The following NCKAP5 variants were observed in gnomAD, a reference collection of about 807,000 sequenced individuals.
The protein encoded by NCKAP5 is NCK associated protein 5.
NCKAP5 carries 92 observed loss-of-function variants against 167.0 expected under a neutral mutation model. That is an observed-to-expected ratio of 0.55 (90% CI 0.47 to 0.66). The LOEUF is 0.66. Among genes scored for constraint, NCKAP5 ranks in the 30% least tolerant of loss-of-function variants. NCKAP5 has a pLI of 0.00. For synonymous variants in NCKAP5, 891 were observed against 877.4 expected (o/e 1.02, Z -0.27); for missense variants, 2,378 against 2,315.0 (o/e 1.03, Z -0.56).
intron 5 of NCKAP5, among the ~76,000 whole-genome samples, chr2:133,148,919 G>A (rs1238851861): frequency 6.6e-6 from 1 of 152,122 alleles, no homozygotes. Flanking sequence ...GCTCAGAATT[G>A]ATCATTGTCT....
chr2:132,696,714 GA>G (rs897262583), intron 19 of NCKAP5, among the ~76,000 whole-genome samples: 47 of 151,822 alleles, frequency 3.1e-4, no homozygotes, highest in African/African-American at 1.1e-3. Context: ...TTTAAGGAGA[GA>G]AAAAAAACTC....
chr2:133,424,309 C>G (rs1268393366), intron 3 of NCKAP5, among the ~76,000 whole-genome samples: 3 of 152,284 alleles, frequency 2.0e-5, no homozygotes, highest in African/African-American at 7.2e-5. Context: ...ATCAGTGTGA[C>G]TGTCAGTGCC....
At chr2:132,681,499 C>A (rs1685227364) in intron 19 of NCKAP5, among the ~76,000 whole-genome samples, 1 of 151,936 alleles carries the variant, frequency 6.6e-6, no homozygotes, top group Non-Finnish European at 1.5e-5. Flanking sequence ...GCAGCATTTA[C>A]TTATGTATTA....
chr2:133,530,244 C>T (rs1304926798), intron 2 of NCKAP5, among the ~76,000 whole-genome samples: 1 of 145,796 alleles, frequency 6.9e-6, no homozygotes, highest in African/African-American at 2.7e-5. Flanking sequence ...CAATCCTTTT[C>T]CTTGACCCTC....
chr2:133,192,079 G>A (rs150190534), intron 5 of NCKAP5, among the ~76,000 whole-genome samples: 6 of 152,040 alleles, frequency 3.9e-5, no homozygotes, highest in Non-Finnish European at 8.8e-5. Flanking sequence ...ATGACTGTGT[G>A]TTATCAGTGG....
chr2:132,910,399 T>TC (rs989000484), intron 8 of NCKAP5, among the ~76,000 whole-genome samples: 1 of 151,974 alleles, frequency 6.6e-6, no homozygotes, highest in African/African-American at 2.4e-5. Flanking sequence ...CATCCCCATC[T>TC]CCCCCGAGCA....
At chr2:133,571,228 A>G (rs957164731), upstream of NCKAP5, among the ~76,000 whole-genome samples, 5 of 152,190 alleles carry the variant, frequency 3.3e-5, no homozygotes, top group African/African-American at 1.2e-4. Context: ...CACATATTAT[A>G]GGAACCTGAG....
chr2:133,572,381 C>T (rs911547258), upstream of NCKAP5, among the ~76,000 whole-genome samples: 1 of 152,202 alleles, frequency 6.6e-6, no homozygotes, highest in Admixed American at 6.5e-5. Flanking sequence ...TAACCCAGCC[C>T]CTCTGCTTAG....
At chr2:133,221,744 G>T (rs2150207290) in intron 4 of NCKAP5, among the ~76,000 whole-genome samples, 1 of 152,306 alleles carries the variant, frequency 6.6e-6, no homozygotes, top group Middle Eastern at 3.4e-3. Context: ...CTATTTCTAA[G>T]ATTTTTTCAA....
At chr2:132,800,645 G>A (rs930895850) in intron 11 of NCKAP5, among the ~76,000 whole-genome samples, 3 of 152,012 alleles carry the variant, frequency 2.0e-5, no homozygotes, top group African/African-American at 4.8e-5. Context: ...TTTTTCCATG[G>A]CACACTTTCC....
intron 3 of NCKAP5, among the ~76,000 whole-genome samples, chr2:133,481,203 G>GGCTGC (rs1289574551): frequency 6.6e-6 from 1 of 152,088 alleles, no homozygotes; most frequent in East Asian, 1.9e-4. Context: ...ATTATGGATG[G>GGCTGC]GCTGCACAGT....
rs191720512 is a variant in NCKAP5, at chr2:133,384,275, G to A, written c.70-81165C>T. 2.1e-3 allele frequency among the ~76,000 whole-genome samples: 317 copies of A among 152,244 alleles called. 1 individual carries two copies. In the East Asian group the frequency reaches 0.046, roughly 22 times the overall value. ...GATCCAGTTTCAGCTTTCTACATAT[G>A]GCTAGCCAGTTTTCCCAGCACCATT... is the stretch of plus-strand genomic sequence containing the variant. On this transcript the variant is annotated intron_variant, in intron 3 of 19. Transcript: ENST00000409261.
intron 6 of NCKAP5, among the ~76,000 whole-genome samples, chr2:133,059,602 G>T (rs964668487): frequency 2.0e-5 from 3 of 151,912 alleles, no homozygotes; most frequent in African/African-American, 7.3e-5. Context: ...AAGCCCAGGA[G>T]GTTGAGGATG....
intron 4 of NCKAP5, among the ~76,000 whole-genome samples, chr2:133,244,933 G>A (rs2087901337): frequency 6.6e-6 from 1 of 152,124 alleles, no homozygotes; most frequent in Admixed American, 6.5e-5. Context: ...CACATAGCAA[G>A]TACTAAGCAT....
chr2:133,529,310 A>G (rs1685172331), intron 2 of NCKAP5, among the ~76,000 whole-genome samples: 1 of 152,116 alleles, frequency 6.6e-6, no homozygotes, highest in East Asian at 1.9e-4. Flanking sequence ...TTGTTTACCT[A>G]TATACATATA....
chr2:132,830,960 T>C (rs1687482501), intron 11 of NCKAP5, among the ~76,000 whole-genome samples: 1 of 152,206 alleles, frequency 6.6e-6, no homozygotes, highest in South Asian at 2.1e-4. Flanking sequence ...CCATTGTTTA[T>C]ATTTGATGTG....
chr2:133,657,013 A>G, the NCKAP5 span, among the ~76,000 whole-genome samples: 9 of 152,218 alleles, frequency 5.9e-5, no homozygotes, highest in Admixed American at 1.3e-4. Context: ...ATCAATGAGA[A>G]CATGCGATGT....
intron 6 of NCKAP5, among the ~76,000 whole-genome samples, chr2:133,008,363 C>A (rs1045445817): frequency 2.0e-5 from 3 of 152,162 alleles, no homozygotes; most frequent in African/African-American, 7.2e-5. Flanking sequence ...GTCCGGAAAT[C>A]TTCAGACAGA....
At chr2:133,103,469 G>T (rs1039603728) in intron 6 of NCKAP5, among the ~76,000 whole-genome samples, 1 of 152,158 alleles carries the variant, frequency 6.6e-6, no homozygotes, top group African/African-American at 2.4e-5. Flanking sequence ...AGTGCACACT[G>T]GATGCTGGGC....
Sources: allele counts gnomAD v4.1 joint callset (sites outside exome capture counted in the v4.1 genomes callset), GRCh38; gene constraint gnomAD v4.1.1; transcripts MANE v1.5; gene names NCBI Gene and HGNC (gene_info 2026-07-23, HGNC 2026-07-21).